The following DCC variants were observed in gnomAD, a reference collection of about 807,000 sequenced individuals.
DCC encodes the protein DCC netrin 1 receptor, also known as netrin receptor DCC.
A neutral mutation model predicts 172.5 loss-of-function variants in DCC; 58 were observed. The ratio of observed to expected loss-of-function variants is 0.34; its 90% confidence interval spans 0.27 to 0.42. DCC has a LOEUF of 0.42. Ranked by LOEUF, DCC falls within the 10% of genes least tolerant of loss-of-function variation. The pLI is 1.00. For missense variants in DCC, 1,740 were observed against 1,791.0 expected (o/e 0.97, Z 0.51); for synonymous variants, 709 against 644.5 (o/e 1.10, Z -1.52).
chr18:52,570,778 C>T (rs939992942), intron 1 of DCC, among the ~76,000 whole-genome samples: 1 of 152,080 alleles, frequency 6.6e-6, no homozygotes, highest in Non-Finnish European at 1.5e-5. Flanking sequence ...GTTTTTGGGG[C>T]AATAATGATC....
chr18:52,967,387 A>G (rs1054325577), intron 5 of DCC, among the ~76,000 whole-genome samples: 5 of 152,280 alleles, frequency 3.3e-5, no homozygotes, highest in South Asian at 4.1e-4. Flanking sequence ...CTTAATGACA[A>G]TGTAATTACT....
rs561330201 is a variant in DCC, at chr18:52,869,381, C to A, written c.413-36663C>A. Among the ~76,000 whole-genome samples the A allele has an allele frequency of 1.3e-4, 20 of 152,328 alleles. No homozygotes were observed. In the South Asian group the frequency reaches 3.9e-3, roughly 30 times the overall value. ...TGGTCGTCCTGTTGTCTGCTCTGCT[C>A]TGGTTGAGCCCAGGGCTTTTATGAT... On this transcript the variant is annotated intron_variant, in intron 2 of 28. Transcript: ENST00000442544.
At chr18:52,629,690 C>T (rs987836292) in intron 1 of DCC, among the ~76,000 whole-genome samples, 3 of 152,104 alleles carry the variant, frequency 2.0e-5, no homozygotes, top group African/African-American at 7.2e-5. Context: ...GTGGCTCACG[C>T]CTGTAATCCC....
chr18:53,128,567 G>C (rs1478927448), intron 7 of DCC, among the ~76,000 whole-genome samples: 1 of 151,872 alleles, frequency 6.6e-6, no homozygotes, highest in African/African-American at 2.4e-5. Flanking sequence ...GCACCATAAT[G>C]TTAACTTTCT....
intron 2 of DCC, among the ~76,000 whole-genome samples, chr18:52,867,412 T>G (rs1469037494): frequency 2.0e-5 from 3 of 152,170 alleles, no homozygotes; most frequent in African/African-American, 7.2e-5. Flanking sequence ...TTAGGGAAGA[T>G]TCCCTCTTTT....
intron 1 of DCC, among the ~76,000 whole-genome samples, chr18:52,358,650 T>C (rs1209706342): frequency 1.3e-5 from 2 of 152,240 alleles, no homozygotes; most frequent in Non-Finnish European, 2.9e-5. Flanking sequence ...TCATTGTTAC[T>C]GATACTCTCC....
chr18:53,335,635 C>T (rs2057583160), intron 14 of DCC, among the ~76,000 whole-genome samples: 1 of 152,026 alleles, frequency 6.6e-6, no homozygotes, highest in African/African-American at 2.4e-5. Flanking sequence ...AGAGAGAATC[C>T]ATAATTCAAT....
At chr18:53,013,950 G>A (rs888270129) in intron 5 of DCC, among the ~76,000 whole-genome samples, 3 of 152,246 alleles carry the variant, frequency 2.0e-5, no homozygotes, top group Non-Finnish European at 2.9e-5. Context: ...CTTATACATG[G>A]TGAAGACTGT....
intron 2 of DCC, among the ~76,000 whole-genome samples, chr18:52,819,866 C>T (rs1326969160): frequency 6.6e-6 from 1 of 151,582 alleles, no homozygotes; most frequent in African/African-American, 2.4e-5. Flanking sequence ...CTACAGGTGC[C>T]CACCACCATG....
intron 1 of DCC, among the ~76,000 whole-genome samples, chr18:52,560,932 T>C (rs192106847): frequency 3.2e-4 from 49 of 152,306 alleles, no homozygotes; most frequent in Non-Finnish European, 5.1e-4. Context: ...ATGTAATAAG[T>C]TTCTGTATCA....
chr18:52,916,498 A>C (rs1373691586), intron 3 of DCC, among the ~76,000 whole-genome samples: 3 of 152,212 alleles, frequency 2.0e-5, no homozygotes, highest in Non-Finnish European at 4.4e-5. Context: ...TTGCTAATCT[A>C]TAAATGTTTC....
chr18:52,873,490 G>A lies in DCC; in HGVS notation c.413-32554G>A, dbSNP rs1188872828. On this transcript the variant is annotated intron_variant, in intron 2 of 28. Transcript: ENST00000442544. ...CCATTCAACTTGGATTATAGCTTTA[G>A]CATATAAAACCTTTTGGTCCTTCCA... 2.6e-5 allele frequency among the ~76,000 whole-genome samples: 4 copies of A among 152,194 alleles called. No individual in the cohort carries two copies. The East Asian group carries it at 5.8e-4, about 22-fold the overall frequency.
chr18:53,110,305 G>C (rs1381534511), intron 7 of DCC, among the ~76,000 whole-genome samples: 1 of 151,718 alleles, frequency 6.6e-6, no homozygotes, highest in African/African-American at 2.4e-5. Flanking sequence ...AAAGCCTGTA[G>C]TTGGCATTTC....
At chr18:52,541,988 T>C (rs1249867883) in intron 1 of DCC, among the ~76,000 whole-genome samples, 2 of 147,016 alleles carry the variant, frequency 1.4e-5, no homozygotes, top group African/African-American at 2.5e-5. Flanking sequence ...ATGTAATATA[T>C]AATATCTCAG....
chr18:52,530,640 A>T (rs2144683441), intron 1 of DCC, among the ~76,000 whole-genome samples: 1 of 152,326 alleles, frequency 6.6e-6, no homozygotes, highest in East Asian at 1.9e-4. Context: ...AAGAATTAAA[A>T]ATATCATTTT....
chr18:52,649,740 AT>A (rs900706353), intron 1 of DCC, among the ~76,000 whole-genome samples: 2 of 152,118 alleles, frequency 1.3e-5, no homozygotes, highest in Non-Finnish European at 2.9e-5. Context: ...ACATGATTTC[AT>A]TTTTTTATGA....
At chr18:53,345,762 T>TG (rs930217040) in intron 15 of DCC, among the ~76,000 whole-genome samples, 3 of 78,342 alleles carry the variant, frequency 3.8e-5, no homozygotes, top group Admixed American at 1.2e-4. Context: ...CATTGACAGA[T>TG]TTTTTTTTTC....
At chr18:52,937,404 T>C (rs1048397474) in intron 5 of DCC, among the ~76,000 whole-genome samples, 1 of 152,194 alleles carries the variant, frequency 6.6e-6, no homozygotes, top group African/African-American at 2.4e-5. Context: ...TTCCCTTCCA[T>C]GTAAATGGAG....
At chr18:53,351,320 G>GTA (rs201328758) in intron 15 of DCC, among the ~76,000 whole-genome samples, 13,659 of 29,212 alleles carry the variant, frequency 0.47, 3,568 homozygotes, top group South Asian at 0.65. Flanking sequence ...TATATACACT[G>GTA]TATATATATA....
Sources: allele counts gnomAD v4.1 joint callset (sites outside exome capture counted in the v4.1 genomes callset), GRCh38; gene constraint gnomAD v4.1.1; transcripts MANE v1.5; gene names NCBI Gene and HGNC (gene_info 2026-07-23, HGNC 2026-07-21).